SPTBN1: variants seen among roughly 807,000 people sequenced by gnomAD.
SPTBN1 encodes the protein spectrin beta chain, non-erythrocytic 1.
Under a neutral mutation model 266.4 loss-of-function variants are expected in SPTBN1, and 32 were observed. That is an observed-to-expected ratio of 0.12 (90% CI 0.09 to 0.16). The LOEUF (loss-of-function observed/expected upper bound fraction) is 0.16, where lower values mean the gene tolerates loss of function less well. Ranked by LOEUF, SPTBN1 falls within the 10% of genes least tolerant of loss-of-function variation. The probability of loss-of-function intolerance (pLI) is 1.00; values close to 1 mark genes in which losing one functional copy is unlikely to be tolerated. For missense variants in SPTBN1, 2,296 were observed against 3,067.1 expected (o/e 0.75, Z 5.94); for synonymous variants, 1,336 against 1,162.2 (o/e 1.15, Z -3.04).
At chr2:54,587,615 T>A (rs776599708) in intron 2 of SPTBN1, among the ~76,000 whole-genome samples, 1 of 152,182 alleles carries the variant, frequency 6.6e-6, no homozygotes, top group Non-Finnish European at 1.5e-5. Flanking sequence ...TGATGGTGTA[T>A]GAAGTGTCCA....
rs554577848 is a variant in SPTBN1 at position 54,645,400 on chromosome 2, C to T, written c.4441C>T (p.Leu1481=). 1.2e-6 allele frequency: 2 copies of T among 1,614,200 alleles called. No homozygotes were observed. The highest frequency in any genetic ancestry group is 1.7e-6 in the Non-Finnish European group (2 of 1,180,038). ...LEPLNERKHN[L]LASKEIHQFN... ...GCCCTTGAACGAGAGGAAGCATAAC[C>T]TGCTGGCCTCCAAAGAGATCCATCA... Residue 1481 remains leucine (L), a synonymous_variant, in exon 21 of 36, where the codon CTG becomes TTG. Coordinates refer to ENST00000356805, the MANE Select transcript of SPTBN1 (RefSeq NM_003128.3). The surrounding 1 kb of genome is among the most constrained non-coding windows in gnomAD (Gnocchi z 4.3).
At position 54,485,362 on chromosome 2, in the gene SPTBN1, C is replaced by T. The variant is rs574842634; in HGVS notation, c.-48+28844C>T. Among the ~76,000 whole-genome samples, 20 of 152,326 alleles carry T rather than the reference C, an allele frequency of 1.3e-4. No individual in the cohort carries two copies. In the South Asian group the frequency reaches 3.3e-3, roughly 25 times the overall value. Reference sequence around the variant, plus strand: ...CGCGCCGCCACGCCTGACTGGTTTTCGTATTTTTTTGGTGGAGACAGGGTT... The same window carrying T: ...CGCGCCGCCACGCCTGACTGGTTTTTGTATTTTTTTGGTGGAGACAGGGTT... On this transcript the variant is annotated intron_variant, in intron 1 of 35. Coordinates refer to ENST00000356805, the MANE Select transcript of SPTBN1 (RefSeq NM_003128.3).
intron 19 of SPTBN1, among the ~76,000 whole-genome samples, chr2:54,644,080 G>A (rs1344064539): frequency 6.6e-6 from 1 of 152,104 alleles, no homozygotes. Context: ...TCAGTATTCC[G>A]TTGCCCCAGT....
intron 1 of SPTBN1, among the ~76,000 whole-genome samples, chr2:54,495,628 A>C (rs532766893): frequency 2.8e-4 from 43 of 151,528 alleles, no homozygotes; most frequent in African/African-American, 9.9e-4. Context: ...ATATTGTTTC[A>C]GATATATGTA....
chr2:54,665,903 T>G lies in SPTBN1; in HGVS notation c.6660-12T>G. On this transcript the variant is annotated splice_polypyrimidine_tract_variant and intron_variant, in intron 33 of 35. Coordinates refer to ENST00000356805, the MANE Select transcript of SPTBN1 (RefSeq NM_003128.3). ...CTTTATCTCCCCCTGCCCTTTTTTT[T>G]AAACTGCACAGGTCCTGGCACAATG... 8 of 1,598,694 alleles carry G rather than the reference T, an allele frequency of 5.0e-6. No homozygotes were observed. Among genetic ancestry groups the G allele is most frequent in the Non-Finnish European group, 6.8e-6 (8 of 1,174,588 alleles).
chr2:54,528,872 A>G (rs1334337002), intron 2 of SPTBN1, among the ~76,000 whole-genome samples: 1 of 151,684 alleles, frequency 6.6e-6, no homozygotes, highest in Non-Finnish European at 1.5e-5. Flanking sequence ...ATGATACTGG[A>G]TGGGGGGGCA....
intron 1 of SPTBN1, among the ~76,000 whole-genome samples, chr2:54,475,582 C>T (rs931941347): frequency 3.3e-5 from 5 of 152,164 alleles, no homozygotes; most frequent in Admixed American, 3.3e-4. Context: ...CTCCTGCTAC[C>T]ATGTGACAGG....
chr2:54,653,793 G>A lies in SPTBN1; in HGVS notation c.5762G>A (p.Arg1921His). The A allele has an allele frequency of 1.2e-6, 2 of 1,614,184 alleles. No individual in the cohort carries two copies. Among genetic ancestry groups the A allele is most frequent in the South Asian group, 1.1e-5 (1 of 91,090 alleles). Residue 1921 changes from arginine to histidine, a missense_variant, in exon 27 of 36, where the codon CGC becomes CAC. By Grantham distance (29) the Arg-to-His change is conservative. This residue lies in a region of SPTBN1 where 644 missense variants were observed against 745.3 expected (regional missense o/e 0.86). Coordinates refer to ENST00000356805, the MANE Select transcript of SPTBN1 (RefSeq NM_003128.3). This position sits in a 1 kb window ranked among gnomAD's most constrained non-coding sequence, Gnocchi z 5.1. ...GDKFRFFSMVRDLMLWMEDVI... is the reference protein window; with the variant it reads ...GDKFRFFSMVHDLMLWMEDVI... ...AAGTTCCGCTTCTTCAGCATGGTGC[G>A]CGACCTCATGCTCTGGATGGAGGAT...
intron 31 of SPTBN1, 70 bp from the exon 32 acceptor site, chr2:54,659,866 C>T: frequency 6.4e-7 from 1 of 1,551,248 alleles, no homozygotes; most frequent in Non-Finnish European, 8.7e-7. Flanking sequence ...TGTTCTCCCA[C>T]CCTTTCTTAC....
intron 2 of SPTBN1, among the ~76,000 whole-genome samples, chr2:54,569,979 C>A (rs10198205): frequency 2.9e-4 from 43 of 149,698 alleles, no homozygotes; most frequent in Non-Finnish European, 3.9e-4. Flanking sequence ...ATTCCCCCCC[C>A]CCTTTAGAAA....
At chr2:54,619,935 C>T (rs774252013) in intron 7 of SPTBN1, among the ~76,000 whole-genome samples, 2 of 152,118 alleles carry the variant, frequency 1.3e-5, no homozygotes, top group East Asian at 1.9e-4. Context: ...TCAGGGGCGG[C>T]GATAGGAATG....
At chr2:54,585,107 T>G (rs761232161) in intron 2 of SPTBN1, among the ~76,000 whole-genome samples, 2 of 152,222 alleles carry the variant, frequency 1.3e-5, no homozygotes, top group Non-Finnish European at 2.9e-5. Context: ...TTATGCCCTC[T>G]TGTTCAAAAC....
At chr2:54,559,486 T>A (rs1673131470) in intron 2 of SPTBN1, among the ~76,000 whole-genome samples, 1 of 152,168 alleles carries the variant, frequency 6.6e-6, no homozygotes, top group Non-Finnish European at 1.5e-5. Context: ...ACCCTATGGG[T>A]TGGATTAGTT....
chr2:54,668,207 G>C (rs1307804224), intron 35 of SPTBN1, 144 bp from the exon 36 acceptor site: 32 of 707,176 alleles, frequency 4.5e-5, no homozygotes, highest in Admixed American at 9.6e-5. Context: ...GTACTGATAA[G>C]GCAGAGGTGC....
At chr2:54,650,562 T>C (rs1234156877) in intron 26 of SPTBN1, among the ~76,000 whole-genome samples, 1 of 152,226 alleles carries the variant, frequency 6.6e-6, no homozygotes, top group African/African-American at 2.4e-5. Context: ...AAAAACAAAT[T>C]GTATTTTTTT....
intron 2 of SPTBN1, among the ~76,000 whole-genome samples, chr2:54,561,779 A>G (rs13431302): frequency 0.048 from 7,225 of 149,092 alleles, 541 homozygotes; most frequent in African/African-American, 0.16. Context: ...ATAGTTTAAA[A>G]TAAAAATAAG....
chr2:54,501,887 T>C (rs1348066049), intron 1 of SPTBN1, among the ~76,000 whole-genome samples: 1 of 152,198 alleles, frequency 6.6e-6, no homozygotes, highest in Non-Finnish European at 1.5e-5. Context: ...AGAGACTTCG[T>C]GAGAAAAGCT....
intron 1 of SPTBN1, among the ~76,000 whole-genome samples, chr2:54,511,960 A>G (rs1003300032): frequency 6.6e-6 from 1 of 152,186 alleles, no homozygotes; most frequent in African/African-American, 2.4e-5. Flanking sequence ...TAGATGGTCC[A>G]TCGGCAGGGG....
At chr2:54,557,859 G>A in intron 2 of SPTBN1, 1 of 985,420 alleles carries the variant, frequency 1.0e-6, no homozygotes, top group Non-Finnish European at 1.2e-6. Context: ...GCTGCACAGC[G>A]CCCTGAGAGT....
Sources: gnomAD v4.1 joint callset for allele counts (sites outside exome capture counted in the v4.1 genomes callset) on GRCh38, gnomAD v4.1.1 for gene constraint, gnomAD v4.1.1 regional missense constraint, Gnocchi (gnomAD v3.1) non-coding constraint, MANE v1.5 for transcripts, NCBI Gene and HGNC (gene_info 2026-07-23, HGNC 2026-07-21) for gene names.